The following HOTAIR variants were observed in gnomAD, a reference collection of about 807,000 sequenced individuals.
The protein encoded by HOTAIR is HOX transcript antisense RNA.
chr12:53,973,991 G>A lies in HOTAIR; in HGVS notation n.59+907C>T, dbSNP rs1007789162. The stretch of plus-strand genomic sequence containing the variant: ...GAGCGAGAGAGGGAGGGCGAGAGAA[G>A]GGGGGAGGCAAGGGGAGCGGGGACG... On this transcript the variant is annotated intron_variant and non_coding_transcript_variant, in intron 1 of 6. Coordinates refer to ENST00000424518, the Ensembl canonical transcript of HOTAIR. This position sits in a 1 kb window ranked among gnomAD's most constrained non-coding sequence, Gnocchi z 4.3. 1 of 1,342,388 alleles carries A rather than the reference G, an allele frequency of 7.4e-7. No individual in the cohort carries two copies. Among genetic ancestry groups the A allele is most frequent in the Non-Finnish European group, 9.8e-7 (1 of 1,018,350 alleles). 83.2% of individuals were successfully genotyped at this position (1,342,388 alleles called of 1,614,324 possible). A position where few individuals can be genotyped will look rare whatever the true frequency, so the allele number is the denominator to read the frequency against.
chr12:53,964,520 G>C (rs1031668570), intron 5 of HOTAIR, among the ~76,000 whole-genome samples: 5 of 152,192 alleles, frequency 3.3e-5, no homozygotes, highest in African/African-American at 4.8e-5. Context: ...ATGTAAGAAC[G>C]CAGGACTCTC....
At chr12:53,965,927 G>A (rs1346069215) in intron 5 of HOTAIR, 1 of 152,236 alleles carries the variant, frequency 6.6e-6, no homozygotes, top group Non-Finnish European at 1.5e-5. Context: ...GTGGGCGGGG[G>A]CGCCATGACA....
chr12:53,972,479 C>T (rs1939163896), intron 1 of HOTAIR, among the ~76,000 whole-genome samples: 1 of 150,896 alleles, frequency 6.6e-6, no homozygotes, highest in South Asian at 2.1e-4. Flanking sequence ...TAGCCAGGGG[C>T]AGCACAGCAA....
intron 1 of HOTAIR, among the ~76,000 whole-genome samples, chr12:53,969,717 G>A (rs1467117254): frequency 1.3e-5 from 2 of 152,224 alleles, no homozygotes; most frequent in South Asian, 2.1e-4. Flanking sequence ...AAACGAGAGC[G>A]TCCATGTGTG....
At chr12:53,965,056 TGGG>T (rs1939025971) in intron 5 of HOTAIR, among the ~76,000 whole-genome samples, 4 of 152,214 alleles carry the variant, frequency 2.6e-5, no homozygotes, top group Non-Finnish European at 5.9e-5. Context: ...GGCTGGAGCC[TGGG>T]AGGCAGCAAT....
chr12:53,963,155 G>C (rs780157367), exon 7 of HOTAIR: 1 of 152,210 alleles, frequency 6.6e-6, no homozygotes, highest in Non-Finnish European at 1.5e-5. Context: ...GCAAAGGCTG[G>C]ACCTTTGCTT....
exon 7 of HOTAIR, chr12:53,962,740 T>C (rs1938975112): frequency 6.6e-6 from 1 of 152,180 alleles, no homozygotes; most frequent in African/African-American, 2.4e-5. Flanking sequence ...ATTATTTCTG[T>C]CTTTTAAATA....
chr12:53,964,618 A>G (rs923019802), intron 5 of HOTAIR, among the ~76,000 whole-genome samples: 1 of 152,212 alleles, frequency 6.6e-6, no homozygotes, highest in Non-Finnish European at 1.5e-5. Flanking sequence ...GGAAGAATTC[A>G]TGCAATTATT....
chr12:53,970,835 C>T (rs1939136804), intron 1 of HOTAIR, among the ~76,000 whole-genome samples: 1 of 152,192 alleles, frequency 6.6e-6, no homozygotes, highest in South Asian at 2.1e-4. Flanking sequence ...CCATCTCAGT[C>T]CTGGCTTTGC....
chr12:53,967,787 C>A (rs1272428589), intron 2 of HOTAIR, among the ~76,000 whole-genome samples: 2 of 152,156 alleles, frequency 1.3e-5, no homozygotes, highest in African/African-American at 4.8e-5. Flanking sequence ...CCAGACCTCA[C>A]CCTACAAAAA....
intron 2 of HOTAIR, chr12:53,967,432 G>T (rs953333512): frequency 6.6e-6 from 1 of 152,202 alleles, no homozygotes; most frequent in Non-Finnish European, 1.5e-5. Flanking sequence ...AAGAGGATTT[G>T]ATTATTTCTG....
In HOTAIR at chr12:53,973,540, T is replaced by C. The variant is rs759805453; in HGVS notation, n.59+1358A>G. ...TGCTATGCGGCGGCCGACGAGCTTA[T>C]GCACCGGGAGTGCCTGCCTCCTTCC... is the stretch of plus-strand genomic sequence containing the variant. On this transcript the variant is annotated intron_variant and non_coding_transcript_variant, in intron 1 of 6. Transcript: ENST00000424518. This position sits in a 1 kb window ranked among gnomAD's most constrained non-coding sequence, Gnocchi z 4.3. 6 of 1,613,558 alleles carry C rather than the reference T, an allele frequency of 3.7e-6. No individual in the cohort carries two copies. Among genetic ancestry groups the C allele is most frequent in the Non-Finnish European group, 5.1e-6 (6 of 1,179,986 alleles).
rs372124938 is a variant in HOTAIR at position 53,973,499 on chromosome 12, G to C, written n.59+1399C>G. On this transcript the variant is annotated intron_variant and non_coding_transcript_variant, in intron 1 of 6. Coordinates refer to ENST00000424518, the Ensembl canonical transcript of HOTAIR. The surrounding 1 kb of genome is among the most constrained non-coding windows in gnomAD (Gnocchi z 4.3). ...AGCCATCCGGCAAGTGGCACCATCG[G>C]AACAGCTACTCCTCCTGCTATGCGG... The C allele has an allele frequency of 1.2e-6, 2 of 1,613,900 alleles. No individual in the cohort carries two copies. The highest frequency in any genetic ancestry group is 2.7e-5 in the African/African-American group (2 of 74,882).
chr12:53,973,699 G>A lies in HOTAIR; in HGVS notation n.59+1199C>T, dbSNP rs1375070970. ...AGCGTCCTGCCTCAAGCCTTCGACC[G>A]TTTCTTCGACAACGCCTACTGCGGT... On this transcript the variant is annotated intron_variant and non_coding_transcript_variant, in intron 1 of 6. Transcript: ENST00000424518. The surrounding 1 kb of genome is among the most constrained non-coding windows in gnomAD (Gnocchi z 4.3). The A allele has an allele frequency of 4.3e-6, 7 of 1,613,500 alleles. No homozygotes were observed. In the Admixed American group the frequency reaches 6.7e-5, roughly 15 times the overall value.
exon 7 of HOTAIR, chr12:53,962,724 A>G (rs1444461420): frequency 6.6e-6 from 1 of 151,736 alleles, no homozygotes; most frequent in Non-Finnish European, 1.5e-5. Context: ...GTTCTTCTGT[A>G]CTTCTATTAT....
intron 1 of HOTAIR, among the ~76,000 whole-genome samples, chr12:53,974,153 G>T (rs1420035552): frequency 6.6e-6 from 1 of 152,122 alleles, no homozygotes; most frequent in Non-Finnish European, 1.5e-5. Flanking sequence ...GAGGGAAAAG[G>T]GCTCTTTGGA....
At chr12:53,969,310 G>C (rs1349818809) in intron 1 of HOTAIR, among the ~76,000 whole-genome samples, 1 of 152,208 alleles carries the variant, frequency 6.6e-6, no homozygotes, top group East Asian at 1.9e-4. Flanking sequence ...GGGTCGGGTT[G>C]CTAGCATCCT....
At chr12:53,966,641 G>A (rs890977993) in intron 3 of HOTAIR, 3 of 152,296 alleles carry the variant, frequency 2.0e-5, no homozygotes, top group Non-Finnish European at 4.4e-5. Flanking sequence ...GCTGCAGTCG[G>A]TGGAACTGGA....
Position 53,973,530 on chromosome 12 carries a change from G to C in HOTAIR, n.59+1368C>G. 6.2e-7 allele frequency: 1 copy of C among 1,613,586 alleles called. No individual in the cohort carries two copies. The highest frequency in any genetic ancestry group is 1.1e-5 in the South Asian group (1 of 91,074). On this transcript the variant is annotated intron_variant and non_coding_transcript_variant, in intron 1 of 6. Coordinates refer to ENST00000424518, the Ensembl canonical transcript of HOTAIR. This position sits in a 1 kb window ranked among gnomAD's most constrained non-coding sequence, Gnocchi z 4.3. The stretch of plus-strand genomic sequence containing the variant: ...CTACTCCTCCTGCTATGCGGCGGCC[G>C]ACGAGCTTATGCACCGGGAGTGCCT...
Sources: gnomAD v4.1 joint callset for allele counts (sites outside exome capture counted in the v4.1 genomes callset) on GRCh38, gnomAD v4.1.1 for gene constraint, Gnocchi (gnomAD v3.1) non-coding constraint, MANE v1.5 for transcripts, NCBI Gene and HGNC (gene_info 2026-07-23, HGNC 2026-07-21) for gene names.